HHIPL1: variants seen among roughly 807,000 people sequenced by gnomAD.
HHIPL1 encodes the protein HHIP like 1, also known as HHIP-like protein 1.
In HHIPL1, 43 loss-of-function variants were observed where a neutral mutation model predicts 61.8. The ratio of observed to expected loss-of-function variants is 0.70; its 90% CI spans 0.55 to 0.90. The LOEUF (loss-of-function observed/expected upper bound fraction) is 0.90, where lower values mean the gene tolerates loss of function less well. Among genes scored for constraint, HHIPL1 ranks in the 40% least tolerant of loss-of-function variants. The probability of loss-of-function intolerance (pLI) is 0.00; values close to 1 mark genes in which losing one functional copy is unlikely to be tolerated. For missense variants in HHIPL1, 1,056 were observed against 1,157.7 expected, an observed-to-expected ratio of 0.91 and a Z score of 1.28; for synonymous variants, 482 against 515.8, an observed-to-expected ratio of 0.93 and a Z score of 0.89.
At chr14:99,664,170 C>G (rs1013732015) in intron 6 of HHIPL1, among the ~76,000 whole-genome samples, 2 of 152,156 alleles carry the variant, frequency 1.3e-5, no homozygotes, top group Non-Finnish European at 2.9e-5. Context: ...CCAGTGGGCC[C>G]TAATGGATGC....
the HHIPL1 span, among the ~76,000 whole-genome samples, chr14:99,620,418 G>A: frequency 6.6e-6 from 1 of 152,236 alleles, no homozygotes; most frequent in African/African-American, 2.4e-5. Context: ...CTTGCAGGGA[G>A]TGCCCTCCCC....
intron 8 of HHIPL1, among the ~76,000 whole-genome samples, chr14:99,673,016 G>A (rs867377457): frequency 1.3e-5 from 2 of 152,208 alleles, no homozygotes; most frequent in African/African-American, 4.8e-5. Context: ...TGCAGTCCTC[G>A]CCTTCTCAGC....
chr14:99,638,071 T>C, the HHIPL1 span, among the ~76,000 whole-genome samples: 1 of 152,166 alleles, frequency 6.6e-6, no homozygotes, highest in African/African-American at 2.4e-5. Flanking sequence ...TGTTCCTTCT[T>C]CTGTTCTTGG....
At chr14:99,615,436 C>T in the HHIPL1 span, among the ~76,000 whole-genome samples, 1 of 152,000 alleles carries the variant, frequency 6.6e-6, no homozygotes, top group East Asian at 1.9e-4. Flanking sequence ...CCCAGCTACT[C>T]AGGAGGCTGA....
the HHIPL1 span, among the ~76,000 whole-genome samples, chr14:99,633,068 G>A: frequency 1.3e-5 from 2 of 152,012 alleles, no homozygotes; most frequent in Non-Finnish European, 2.9e-5. Context: ...AGACAGAGGC[G>A]CCTCCCAGGG....
At position 99,675,177 on chromosome 14, in the gene HHIPL1, C is replaced by T; in HGVS notation, c.1900C>T (p.Pro634Ser). 3 of 1,122,264 alleles carry T rather than the reference C, an allele frequency of 2.7e-6. No homozygotes were observed. Among genetic ancestry groups the T allele is most frequent in the East Asian group, 5.2e-5 (1 of 19,266 alleles). 69.5% of individuals were successfully genotyped at this position (1,122,264 alleles called of 1,614,324 possible). A position where few individuals can be genotyped will look rare whatever the true frequency, so the allele number is the denominator to read the frequency against. Residue 634 changes from proline (P) to serine (S), a missense_variant, in exon 9 of 9, where the codon CCC becomes TCC. Coordinates refer to ENST00000330710, the MANE Select transcript of HHIPL1 (RefSeq NM_001127258.3). The surrounding 1 kb of genome is among the most constrained non-coding windows in gnomAD (Gnocchi z 5.4). ...APRRGRPTAA[P>S]PAPTPRPARP... ...CCGCCGAGGGCGCCCCACGGCCGCT[C>T]CCCCCGCGCCAACCCCGCGGCCAGC...
chr14:99,672,318 C>T lies in HHIPL1; in HGVS notation c.1732C>T (p.Arg578Trp), dbSNP rs753259205. Residue 578 changes from arginine (R) to tryptophan (W), a missense_variant and splice_region_variant, in exon 8 of 9, where the codon CGG becomes TGG. Physicochemically the swap from Arg to Trp is moderately radical, Grantham distance 101. Transcript: ENST00000330710. ...TAACCTCCTGTGTGTCGTTGGCAGG[C>T]GGGCACCACCTGGCAAATGTCAGAT... ...VVYKIIDASR[R>W]APPGKCQIQP... is the part of the protein sequence containing the mutation. 22 of 1,550,906 alleles carry T rather than the reference C, an allele frequency of 1.4e-5. No homozygotes were observed. Among genetic ancestry groups the T allele is most frequent in the South Asian group, 4.8e-5 (4 of 84,056 alleles).
At chr14:99,642,033 G>A (rs2055758485), upstream of HHIPL1, among the ~76,000 whole-genome samples, 1 of 151,038 alleles carries the variant, frequency 6.6e-6, no homozygotes, top group South Asian at 2.1e-4. Flanking sequence ...TCTGCCTCCT[G>A]GGTTCAAGTG....
At chr14:99,612,358 G>A in the HHIPL1 span, among the ~76,000 whole-genome samples, 3 of 152,072 alleles carry the variant, frequency 2.0e-5, no homozygotes, top group East Asian at 1.9e-4. Flanking sequence ...AAGGCTTATC[G>A]GGCTCTCAGA....
the HHIPL1 span, among the ~76,000 whole-genome samples, chr14:99,638,577 T>G: frequency 6.6e-6 from 1 of 152,096 alleles, no homozygotes; most frequent in African/African-American, 2.4e-5. Context: ...CCCCACACCC[T>G]CAGGCCCCAG....
Position 99,675,106 on chromosome 14 carries a change from C to A in HHIPL1, c.1829C>A (p.Thr610Lys). ...CTCTGCGCAGAGTTCATCCCGAAGA[C>A]ACGGAGCACCCCGCGGCCTACAGCG... The part of the protein sequence containing the change: ...FVPKEKFIPK[T>K]RSTPRPTARA... The change falls in exon 9 of 9, where the codon ACA becomes AAA. Residue 610 changes from threonine (T) to lysine (K), a missense_variant. Coordinates refer to ENST00000330710, the MANE Select transcript of HHIPL1 (RefSeq NM_001127258.3). The surrounding 1 kb of genome is among the most constrained non-coding windows in gnomAD (Gnocchi z 5.4). 8.6e-7 allele frequency: 1 copy of A among 1,168,030 alleles called. No homozygotes were observed. The highest frequency in any genetic ancestry group is 2.7e-5 in the South Asian group (1 of 37,474). 72.4% of individuals were successfully genotyped at this position (1,168,030 alleles called of 1,614,324 possible). A position where few individuals can be genotyped will look rare whatever the true frequency, so the allele number is the denominator to read the frequency against.
chr14:99,637,148 C>A, the HHIPL1 span, among the ~76,000 whole-genome samples: 11 of 87,958 alleles, frequency 1.3e-4, no homozygotes, highest in African/African-American at 1.7e-4. Context: ...GAAAGGGAGG[C>A]AGAAAGAAAG....
the HHIPL1 span, among the ~76,000 whole-genome samples, chr14:99,638,477 A>C: frequency 6.6e-6 from 1 of 152,244 alleles, no homozygotes; most frequent in South Asian, 2.1e-4. Flanking sequence ...CTGGCCAGAG[A>C]GGCGCTGGGT....
Position 99,652,690 on chromosome 14 carries a change from C to T in HHIPL1, c.722C>T (p.Thr241Ile), listed in dbSNP as rs1313485179. The change falls in exon 2 of 9, where the codon ACC (threonine) becomes ATC (isoleucine). Residue 241 changes from threonine (T) to isoleucine (I), a missense_variant. By Grantham distance (89) the Thr-to-Ile change is moderately conservative. Coordinates refer to ENST00000330710, the MANE Select transcript of HHIPL1 (RefSeq NM_001127258.3). ...PFLNISRVVL[T>I]SPWEGDERGF... ...CTGAACATCAGCCGGGTGGTGCTCACCTCGCCCTGGGAGGGTGACGAGCGT... is the reference window on the plus strand; with the variant it reads ...CTGAACATCAGCCGGGTGGTGCTCATCTCGCCCTGGGAGGGTGACGAGCGT... 3 of 1,613,876 alleles carry T rather than the reference C, an allele frequency of 1.9e-6. No homozygotes were observed. The highest frequency in any genetic ancestry group is 1.1e-5 in the South Asian group (1 of 91,078).
chr14:99,653,258 A>G (rs551722307), intron 2 of HHIPL1, among the ~76,000 whole-genome samples: 6 of 152,186 alleles, frequency 3.9e-5, no homozygotes, highest in African/African-American at 1.4e-4. Flanking sequence ...CAGAGCTGGA[A>G]CCCTGATCTG....
the HHIPL1 span, among the ~76,000 whole-genome samples, chr14:99,614,251 G>A: frequency 6.6e-6 from 1 of 152,178 alleles, no homozygotes; most frequent in Admixed American, 6.5e-5. Context: ...GAGTCCTGTG[G>A]GTGCCCCGGA....
At chr14:99,609,496 G>C in the HHIPL1 span, among the ~76,000 whole-genome samples, 39 of 152,348 alleles carry the variant, frequency 2.6e-4, no homozygotes, top group Non-Finnish European at 4.6e-4. Flanking sequence ...AAGGATTCTG[G>C]GTATGGCCCT....
At chr14:99,612,683 G>A in the HHIPL1 span, among the ~76,000 whole-genome samples, 8 of 152,236 alleles carry the variant, frequency 5.3e-5, no homozygotes, top group Admixed American at 2.0e-4. Flanking sequence ...AGGCCCACCC[G>A]TGATATGGGG....
chr14:99,665,928 C>T (rs1343447062), intron 6 of HHIPL1, among the ~76,000 whole-genome samples: 2 of 152,166 alleles, frequency 1.3e-5, no homozygotes, highest in East Asian at 3.9e-4. Flanking sequence ...ACTATAGGTG[C>T]GCACCACCAT....
Sources: gnomAD v4.1 joint callset for allele counts (sites outside exome capture counted in the v4.1 genomes callset) on GRCh38, gnomAD v4.1.1 for gene constraint, Gnocchi (gnomAD v3.1) non-coding constraint, MANE v1.5 for transcripts, NCBI Gene and HGNC (gene_info 2026-07-23, HGNC 2026-07-21) for gene names.